SH3BGRL2: variants seen among roughly 807,000 people sequenced by gnomAD.
SH3BGRL2 encodes the protein SH3 domain binding glutamate rich protein like 2.
SH3BGRL2 carries 21 observed loss-of-function variants against 14.8 expected under a neutral mutation model. The observed-to-expected ratio is 1.42, with a 90% CI of 1.01 to 2.05. The LOEUF (loss-of-function observed/expected upper bound fraction) is 2.05, where lower values mean the gene tolerates loss of function less well. Among genes scored for constraint, SH3BGRL2 ranks in the 30% most tolerant of loss-of-function variants. The pLI, the probability that SH3BGRL2 is intolerant of heterozygous loss-of-function variation, is 0.00. For missense variants in SH3BGRL2, 147 were observed against 130.8 expected, an observed-to-expected ratio of 1.12 and a Z score of -0.61; for synonymous variants, 50 against 47.8, an observed-to-expected ratio of 1.05 and a Z score of -0.19.
At chr6:79,688,770 T>TA (rs1770151534) in intron 2 of SH3BGRL2, among the ~76,000 whole-genome samples, 1 of 152,176 alleles carries the variant, frequency 6.6e-6, no homozygotes, top group Admixed American at 6.5e-5. Context: ...ATTTGTATCT[T>TA]AATAGGAAGT....
chr6:79,650,099 T>C (rs1253337165), intron 1 of SH3BGRL2, among the ~76,000 whole-genome samples: 2 of 151,874 alleles, frequency 1.3e-5, no homozygotes, highest in African/African-American at 2.4e-5. Context: ...GCTGAAGATA[T>C]AGAGAAATTT....
chr6:79,677,063 G>A (rs1034906009), intron 2 of SH3BGRL2, among the ~76,000 whole-genome samples: 6 of 152,038 alleles, frequency 3.9e-5, no homozygotes, highest in Admixed American at 6.6e-5. Context: ...AGACAGTGTC[G>A]GCTCTTATCA....
chr6:79,662,487 G>A lies in SH3BGRL2; in HGVS notation c.46-11127G>A, dbSNP rs187242844. Among the ~76,000 whole-genome samples, 34 of 152,274 alleles carry A rather than the reference G, an allele frequency of 2.2e-4. 1 individual carries two copies. In the East Asian group the frequency reaches 5.8e-3, roughly 26 times the overall value. ...TGACTATTGGCCCCCACTCTCATCC[G>A]ACTTGTAAGGTTTCTGCTGAGAGAT... is the stretch of plus-strand genomic sequence containing the variant. On this transcript the variant is annotated intron_variant, in intron 1 of 3. Transcript: ENST00000369838.
the SH3BGRL2 span, among the ~76,000 whole-genome samples, chr6:79,580,097 ACTAT>A: frequency 6.8e-3 from 1,043 of 152,374 alleles, 14 homozygotes; most frequent in African/African-American, 0.023. Flanking sequence ...AGAAGAGCTA[ACTAT>A]CCTAAATATA....
At chr6:79,563,110 C>T in the SH3BGRL2 span, among the ~76,000 whole-genome samples, 1 of 151,902 alleles carries the variant, frequency 6.6e-6, no homozygotes. Context: ...CACCGGCCAC[C>T]ATGCCCAGCT....
intron 1 of SH3BGRL2, among the ~76,000 whole-genome samples, chr6:79,634,759 T>G (rs534729950): frequency 6.6e-6 from 1 of 152,292 alleles, no homozygotes; most frequent in Non-Finnish European, 1.5e-5. Context: ...GGACACATGC[T>G]TCTTGCAGGA....
intron 2 of SH3BGRL2, among the ~76,000 whole-genome samples, chr6:79,680,547 G>T (rs1562156244): frequency 6.6e-6 from 1 of 151,978 alleles, no homozygotes; most frequent in Non-Finnish European, 1.5e-5. Flanking sequence ...AATTGTTTTG[G>T]CTGTTTAGGG....
chr6:79,646,231 G>A (rs894707884), intron 1 of SH3BGRL2, among the ~76,000 whole-genome samples: 1 of 152,166 alleles, frequency 6.6e-6, no homozygotes. Flanking sequence ...AGAGGAAATG[G>A]TCTCAATCTG....
At chr6:79,582,011 A>T in the SH3BGRL2 span, among the ~76,000 whole-genome samples, 1 of 152,180 alleles carries the variant, frequency 6.6e-6, no homozygotes, top group Non-Finnish European at 1.5e-5. Context: ...AGAGAGCCAA[A>T]TCATGAGTGA....
chr6:79,691,066 G>A (rs1251245451), intron 2 of SH3BGRL2, among the ~76,000 whole-genome samples: 1 of 152,054 alleles, frequency 6.6e-6, no homozygotes, highest in Non-Finnish European at 1.5e-5. Context: ...GAGATGGGAG[G>A]ATCACCTGAG....
chr6:79,598,863 A>T, the SH3BGRL2 span, among the ~76,000 whole-genome samples: 9 of 152,054 alleles, frequency 5.9e-5, no homozygotes, highest in Non-Finnish European at 1.3e-4. Flanking sequence ...TGGGCGGATC[A>T]CCTGAGGTCG....
chr6:79,560,849 T>C, the SH3BGRL2 span, among the ~76,000 whole-genome samples: 14 of 144,198 alleles, frequency 9.7e-5, no homozygotes, highest in Admixed American at 9.0e-4. Context: ...GAAATAAAAT[T>C]AATGTTAACA....
the SH3BGRL2 span, among the ~76,000 whole-genome samples, chr6:79,540,696 A>C: frequency 6.6e-6 from 1 of 152,318 alleles, no homozygotes; most frequent in East Asian, 1.9e-4. Context: ...TACTTACAAC[A>C]TAATGCTGGT....
At chr6:79,658,697 A>G (rs1769474942) in intron 1 of SH3BGRL2, among the ~76,000 whole-genome samples, 1 of 152,234 alleles carries the variant, frequency 6.6e-6, no homozygotes, top group Non-Finnish European at 1.5e-5. Flanking sequence ...TTCTAGTTCT[A>G]GATCCTTGAG....
At chr6:79,581,861 G>T in the SH3BGRL2 span, among the ~76,000 whole-genome samples, 3 of 152,294 alleles carry the variant, frequency 2.0e-5, no homozygotes, top group East Asian at 5.8e-4. Context: ...GTTTGCAGAT[G>T]ACATGATTGT....
At chr6:79,660,123 C>A (rs759412409) in intron 1 of SH3BGRL2, among the ~76,000 whole-genome samples, 2 of 152,116 alleles carry the variant, frequency 1.3e-5, no homozygotes, top group Admixed American at 1.3e-4. Flanking sequence ...TAATTGAATA[C>A]CCTTTATTTC....
At chr6:79,577,780 G>C in the SH3BGRL2 span, among the ~76,000 whole-genome samples, 1 of 152,198 alleles carries the variant, frequency 6.6e-6, no homozygotes, top group African/African-American at 2.4e-5. Flanking sequence ...TTGGACAGTG[G>C]GTGTAGCCCA....
intron 2 of SH3BGRL2, among the ~76,000 whole-genome samples, chr6:79,686,254 C>T (rs1444355357): frequency 6.6e-6 from 1 of 152,148 alleles, no homozygotes; most frequent in Non-Finnish European, 1.5e-5. Flanking sequence ...AATAGGACTG[C>T]TCAATCTGAA....
rs563891522 is a variant in SH3BGRL2 at position 79,683,729 on chromosome 6, G to C, written c.231+9930G>C. On this transcript the variant is annotated intron_variant, in intron 2 of 3. Coordinates refer to ENST00000369838, the MANE Select transcript of SH3BGRL2 (RefSeq NM_031469.4). ...CCCAAAGTGCTGGGATTACAGGCGT[G>C]AGCCACCGTGCTCGGCCGTAAACAT... Among the ~76,000 whole-genome samples, 6 of 152,316 alleles carry C rather than the reference G, an allele frequency of 3.9e-5. No individual in the cohort carries two copies. In the East Asian group the frequency reaches 7.7e-4, roughly 20 times the overall value.
Sources: allele counts gnomAD v4.1 joint callset (sites outside exome capture counted in the v4.1 genomes callset), GRCh38; gene constraint gnomAD v4.1.1; transcripts MANE v1.5; gene names NCBI Gene and HGNC (gene_info 2026-07-23, HGNC 2026-07-21).